Variants in GLT1D1 observed in about 807,000 individuals in gnomAD.
GLT1D1 encodes the protein glycosyltransferase 1 domain-containing protein 1.
A neutral mutation model predicts 28.7 loss-of-function variants in GLT1D1; 21 were observed. That is an observed-to-expected ratio of 0.73 (90% CI 0.52 to 1.05). GLT1D1 has a LOEUF of 1.05. Ranked by LOEUF, GLT1D1 falls within the 50% of genes least tolerant of loss-of-function variation. GLT1D1 has a pLI of 0.00. For missense variants in GLT1D1, 343 were observed against 330.6 expected (o/e 1.04, Z -0.29); for synonymous variants, 147 against 124.8 (o/e 1.18, Z -1.19).
chr12:128,977,876 A>G (rs576011204), intron 7 of GLT1D1, among the ~76,000 whole-genome samples: 55 of 149,172 alleles, frequency 3.7e-4, no homozygotes, highest in African/African-American at 1.1e-3. Flanking sequence ...TCTGCCTCTC[A>G]GGTTCAAGCG....
At chr12:128,908,356 C>T (rs535484809) in intron 4 of GLT1D1, among the ~76,000 whole-genome samples, 8,571 of 43,728 alleles carry the variant, frequency 0.2, 335 homozygotes, top group East Asian at 0.39. Context: ...CCCTTTCTTT[C>T]TTTCTTTTCT....
chr12:128,886,546 C>G (rs757805787), intron 2 of GLT1D1, among the ~76,000 whole-genome samples: 2 of 152,120 alleles, frequency 1.3e-5, no homozygotes, highest in Non-Finnish European at 2.9e-5. Flanking sequence ...TGGGGAGAAT[C>G]TGTTTTCTTG....
At chr12:128,871,975 G>A (rs1228596355) in intron 1 of GLT1D1, among the ~76,000 whole-genome samples, 3 of 150,982 alleles carry the variant, frequency 2.0e-5, no homozygotes, top group Non-Finnish European at 4.4e-5. Context: ...TTTTTGAGAC[G>A]GAGTCTCGCT....
At chr12:128,973,740 C>A (rs915138028) in intron 7 of GLT1D1, among the ~76,000 whole-genome samples, 5 of 152,136 alleles carry the variant, frequency 3.3e-5, no homozygotes, top group Admixed American at 2.6e-4. Flanking sequence ...AGCAGAAGCA[C>A]CTTTCAGCCA....
chr12:128,863,106 GAGCCTTCAGA>G (rs1956420106), intron 1 of GLT1D1, among the ~76,000 whole-genome samples: 1 of 152,120 alleles, frequency 6.6e-6, no homozygotes, highest in Non-Finnish European at 1.5e-5. Context: ...CATGACATGG[GAGCCTTCAGA>G]ATGAAGACCC....
Position 128,962,175 on chromosome 12 carries a change from C to T in GLT1D1, c.639+4532C>T, listed in dbSNP as rs182892478. ...TGGCACTTGTGTCCTATGGCGGCCCCGTGTGCGTGCTCCAGTGAGGGGTTG... is the reference window on the plus strand; with the variant it reads ...TGGCACTTGTGTCCTATGGCGGCCCTGTGTGCGTGCTCCAGTGAGGGGTTG... On this transcript the variant is annotated intron_variant, in intron 7 of 7. Coordinates refer to ENST00000281703, the MANE Select transcript of GLT1D1 (RefSeq NM_144669.3). Among the ~76,000 whole-genome samples, 647 of 152,350 alleles carry T rather than the reference C, an allele frequency of 4.2e-3. 8 individuals are homozygous for T. The highest frequency in any genetic ancestry group is 0.014 in the African/African-American group (594 of 41,588).
chr12:128,877,574 C>T lies in GLT1D1; in HGVS notation c.217+1512C>T, dbSNP rs192567906. 3.9e-4 allele frequency among the ~76,000 whole-genome samples: 60 copies of T among 152,186 alleles called. No individual in the cohort carries two copies. In the South Asian group the frequency reaches 6.8e-3, roughly 17 times the overall value. On this transcript the variant is annotated intron_variant, in intron 2 of 7. Coordinates refer to ENST00000281703, the MANE Select transcript of GLT1D1 (RefSeq NM_144669.3). ...TCAGGTAATACATGAAAAATTGCCC[C>T]GGTGTAAAATGTAACTGAGTGGTAT...
chr12:128,957,464 T>C (rs1473571194), intron 6 of GLT1D1, 81 bp from the exon 11 acceptor site: 7 of 889,046 alleles, frequency 7.9e-6, no homozygotes, highest in Non-Finnish European at 1.3e-5. Context: ...CAAGAAGTTA[T>C]TCTGCCCCGC....
intron 4 of GLT1D1, among the ~76,000 whole-genome samples, chr12:128,939,855 T>A (rs1874991484): frequency 9.7e-6 from 1 of 103,620 alleles, no homozygotes; most frequent in Admixed American, 1.0e-4. Context: ...CCACCGCCGA[T>A]CCAATCACCT....
chr12:128,912,098 T>A (rs1330994332), intron 4 of GLT1D1, among the ~76,000 whole-genome samples: 2 of 152,194 alleles, frequency 1.3e-5, no homozygotes, highest in African/African-American at 4.8e-5. Flanking sequence ...GGCACTGGCA[T>A]GCTCTCTGGC....
chr12:128,859,412 C>T (rs1386726310), intron 1 of GLT1D1, among the ~76,000 whole-genome samples: 1 of 152,088 alleles, frequency 6.6e-6, no homozygotes, highest in African/African-American at 2.4e-5. Context: ...GAGGATGTGC[C>T]GAGGAGGGGG....
At chr12:128,905,629 CAA>C (rs1014455425) in intron 4 of GLT1D1, among the ~76,000 whole-genome samples, 3 of 152,128 alleles carry the variant, frequency 2.0e-5, no homozygotes, top group Admixed American at 6.6e-5. Context: ...TGTTTATGCT[CAA>C]GTCATTATTT....
chr12:128,941,845 C>T (rs506310), intron 4 of GLT1D1, among the ~76,000 whole-genome samples: 1 of 148,462 alleles, frequency 6.7e-6, no homozygotes, highest in Non-Finnish European at 1.5e-5. Flanking sequence ...TCCTAAAATG[C>T]TGGGATTCCA....
At chr12:128,980,819 A>T (rs1880242450) in intron 7 of GLT1D1, among the ~76,000 whole-genome samples, 1 of 152,230 alleles carries the variant, frequency 6.6e-6, no homozygotes, top group Non-Finnish European at 1.5e-5. Context: ...AGTCAGATTC[A>T]TCGGGGGCGG....
intron 1 of GLT1D1, among the ~76,000 whole-genome samples, chr12:128,857,646 A>T (rs1222174361): frequency 1.3e-5 from 2 of 152,058 alleles, no homozygotes; most frequent in African/African-American, 4.8e-5. Flanking sequence ...CTCCTCCAAA[A>T]TCTCTGCCAA....
intron 6 of GLT1D1, among the ~76,000 whole-genome samples, chr12:128,953,350 A>AT (rs1396639893): frequency 2.0e-5 from 3 of 151,150 alleles, no homozygotes; most frequent in Non-Finnish European, 3.0e-5. Flanking sequence ...TTATTATTTT[A>AT]TTTTTTTGTA....
In GLT1D1 at chr12:128,962,701, A is replaced by G. The variant is rs547091883; in HGVS notation, c.639+5058A>G. ...GCAGACAACTCAGTCAGATTCTAAA[A>G]TAATTCCTTTTTTTTCTTGAGATTG... is the stretch of plus-strand genomic sequence containing the variant. On this transcript the variant is annotated intron_variant, in intron 7 of 7. Coordinates refer to ENST00000281703, the MANE Select transcript of GLT1D1 (RefSeq NM_144669.3). 6.6e-5 allele frequency among the ~76,000 whole-genome samples: 10 copies of G among 152,264 alleles called. No individual in the cohort carries two copies. In the South Asian group the frequency reaches 1.9e-3, roughly 28 times the overall value.
intron 7 of GLT1D1, among the ~76,000 whole-genome samples, chr12:128,973,177 TGG>T (rs1463706125): frequency 7.4e-6 from 1 of 135,614 alleles, no homozygotes; most frequent in African/African-American, 2.7e-5. Context: ...TTTGTTTGCT[TGG>T]TTTTTTTTTT....
At chr12:128,910,092 A>T (rs558880159) in intron 4 of GLT1D1, among the ~76,000 whole-genome samples, 1 of 152,356 alleles carries the variant, frequency 6.6e-6, no homozygotes, top group East Asian at 1.9e-4. Context: ...TTATACTGCA[A>T]CTTTATTTCC....
Sources: allele counts gnomAD v4.1 joint callset (sites outside exome capture counted in the v4.1 genomes callset), GRCh38; gene constraint gnomAD v4.1.1; transcripts MANE v1.5; gene names NCBI Gene and HGNC (gene_info 2026-07-23, HGNC 2026-07-21).